Variants in TENM2 observed in about 807,000 individuals in gnomAD.
The protein encoded by TENM2 is teneurin transmembrane protein 2.
Under a neutral mutation model 245.2 loss-of-function variants are expected in TENM2, and 52 were observed. That is an observed-to-expected ratio of 0.21 (90% CI 0.17 to 0.27). TENM2 has a LOEUF of 0.27. Ranked by LOEUF, TENM2 falls within the 10% of genes least tolerant of loss-of-function variation. The probability of loss-of-function intolerance (pLI) is 1.00; values close to 1 mark genes in which losing one functional copy is unlikely to be tolerated. For synonymous variants in TENM2, 1,363 were observed against 1,438.9 expected, an observed-to-expected ratio of 0.95 and a Z score of 1.19; for missense variants, 3,046 against 3,666.8, an observed-to-expected ratio of 0.83 and a Z score of 4.37.
chr5:167,909,716 C>T (rs1307289267), intron 3 of TENM2, among the ~76,000 whole-genome samples: 4 of 152,130 alleles, frequency 2.6e-5, no homozygotes, highest in African/African-American at 9.7e-5. Flanking sequence ...TGTATTATCA[C>T]CCAAATGCCT....
At chr5:167,340,568 C>G (rs1182194844) in intron 1 of TENM2, among the ~76,000 whole-genome samples, 1 of 152,164 alleles carries the variant, frequency 6.6e-6, no homozygotes, top group Non-Finnish European at 1.5e-5. Context: ...CAGTGCTTCC[C>G]TCTCATGATC....
rs1759030236 is a variant in TENM2, at chr5:168,173,363, C to T, written c.2569+10606C>T. Among the ~76,000 whole-genome samples the T allele has an allele frequency of 1.3e-5, 2 of 152,112 alleles. 1 individual carries two copies. Among genetic ancestry groups the T allele is most frequent in the South Asian group, 4.1e-4 (2 of 4,824 alleles). On this transcript the variant is annotated intron_variant, in intron 13 of 28. Transcript: ENST00000518659. ...CAATGCTGCGTTGCCACCAAAAGGA[C>T]TCAGTGACACTCAGGAGAATGGGTG...
At chr5:168,261,659 G>A (rs1455091065) in intron 28 of TENM2, among the ~76,000 whole-genome samples, 1 of 152,216 alleles carries the variant, frequency 6.6e-6, no homozygotes, top group African/African-American at 2.4e-5. Context: ...GGACATTCCT[G>A]GGTCTAAAGC....
intron 2 of TENM2, among the ~76,000 whole-genome samples, chr5:167,423,306 C>A (rs974804689): frequency 9.9e-5 from 15 of 152,086 alleles, no homozygotes; most frequent in African/African-American, 3.1e-4. Flanking sequence ...GAGGGCTTTG[C>A]CACGCCATGT....
chr5:167,544,968 T>C (rs1772457683), intron 2 of TENM2, among the ~76,000 whole-genome samples: 1 of 152,146 alleles, frequency 6.6e-6, no homozygotes, highest in Non-Finnish European at 1.5e-5. Flanking sequence ...TCCAAATACA[T>C]AGTTCACTGT....
chr5:168,010,386 A>G (rs1389223036), intron 5 of TENM2, among the ~76,000 whole-genome samples: 1 of 152,210 alleles, frequency 6.6e-6, no homozygotes, highest in East Asian at 1.9e-4. Context: ...GCTCTTAACC[A>G]TGGGTAAAAT....
chr5:167,876,393 C>T (rs182359485), intron 3 of TENM2, among the ~76,000 whole-genome samples, 198 bp downstream of exon 5: 14 of 152,244 alleles, frequency 9.2e-5, no homozygotes, highest in African/African-American at 3.1e-4. Context: ...AGAGGTTTTG[C>T]TTATCTTAAC....
intron 7 of TENM2, among the ~76,000 whole-genome samples, chr5:168,078,961 A>T (rs1171729858): frequency 6.6e-6 from 1 of 152,084 alleles, no homozygotes; most frequent in Non-Finnish European, 1.5e-5. Flanking sequence ...TTCCAATTCT[A>T]TGAGGAAAGT....
chr5:167,114,207 C>T, the TENM2 span, among the ~76,000 whole-genome samples: 2 of 152,140 alleles, frequency 1.3e-5, no homozygotes, highest in African/African-American at 4.8e-5. Flanking sequence ...ATTGAGAAAT[C>T]GAGTTTATAG....
chr5:167,690,661 C>T (rs1015758987), intron 2 of TENM2, among the ~76,000 whole-genome samples: 8 of 152,076 alleles, frequency 5.3e-5, no homozygotes, highest in Non-Finnish European at 1.2e-4. Context: ...CAGCCATTTT[C>T]CATTTTCTAT....
At chr5:167,809,781 T>C (rs562211366) in intron 2 of TENM2, among the ~76,000 whole-genome samples, 1 of 152,210 alleles carries the variant, frequency 6.6e-6, no homozygotes, top group African/African-American at 2.4e-5. Context: ...AATCAGCCCA[T>C]TGAAATGCGA....
intron 5 of TENM2, among the ~76,000 whole-genome samples, chr5:168,046,866 ATAGT>A (rs1389789655): frequency 6.6e-6 from 1 of 152,172 alleles, no homozygotes; most frequent in Non-Finnish European, 1.5e-5. Context: ...AAAGTTTGAA[ATAGT>A]TAGGGAGGTG....
chr5:167,712,079 C>G (rs1241022306), intron 2 of TENM2, among the ~76,000 whole-genome samples: 1 of 152,108 alleles, frequency 6.6e-6, no homozygotes, highest in Non-Finnish European at 1.5e-5. Flanking sequence ...CTAGACTTTC[C>G]TCATCTTTAT....
chr5:167,088,251 C>A, the TENM2 span, among the ~76,000 whole-genome samples: 1 of 152,252 alleles, frequency 6.6e-6, no homozygotes, highest in African/African-American at 2.4e-5. Flanking sequence ...AAATAAATCA[C>A]AATTGGGTCT....
In TENM2 at chr5:167,700,508, C is replaced by T. The variant is rs191590175; in HGVS notation, c.503-175478C>T. On this transcript the variant is annotated intron_variant, in intron 2 of 28. Coordinates refer to ENST00000518659, the Ensembl canonical transcript of TENM2. ...TGGCCTGACCTATGAGATTGTTAAACGTTTAATGGTTAGTTCAGACTTCAC... is the reference window on the plus strand; with the variant it reads ...TGGCCTGACCTATGAGATTGTTAAATGTTTAATGGTTAGTTCAGACTTCAC... 1.5e-4 allele frequency among the ~76,000 whole-genome samples: 23 copies of T among 152,230 alleles called. No individual in the cohort carries two copies. In the South Asian group the frequency reaches 3.9e-3, roughly 26 times the overall value.
At chr5:167,331,097 A>C (rs1320994170) in intron 1 of TENM2, among the ~76,000 whole-genome samples, 7 of 151,798 alleles carry the variant, frequency 4.6e-5, no homozygotes, top group Admixed American at 4.6e-4. Context: ...TTAGCTGGGC[A>C]TGGTGGCACG....
At chr5:167,303,466 G>A (rs1410395618) in intron 1 of TENM2, 1 of 152,210 alleles carries the variant, frequency 6.6e-6, no homozygotes, top group Non-Finnish European at 1.5e-5. Context: ...GCTGGAGTGG[G>A]GGTCACAAGG....
chr5:167,179,330 T>C, the TENM2 span, among the ~76,000 whole-genome samples: 1 of 152,254 alleles, frequency 6.6e-6, no homozygotes, highest in Admixed American at 6.5e-5. Context: ...TCATTGTACG[T>C]ACTAACGGGA....
intron 14 of TENM2, among the ~76,000 whole-genome samples, chr5:168,192,725 G>T (rs1208741019): frequency 1.3e-5 from 2 of 152,176 alleles, no homozygotes; most frequent in East Asian, 1.9e-4. Context: ...AACAGATTCT[G>T]TAAGTATGCT....
Sources: allele counts gnomAD v4.1 joint callset (sites outside exome capture counted in the v4.1 genomes callset), GRCh38; gene constraint gnomAD v4.1.1; transcripts MANE v1.5; gene names NCBI Gene and HGNC (gene_info 2026-07-23, HGNC 2026-07-21).